Variants in SDK1 observed in about 807,000 individuals in gnomAD.
SDK1 encodes the protein sidekick cell adhesion molecule 1, also known as protein sidekick-1.
SDK1 carries 157 observed loss-of-function variants against 245.5 expected under a neutral mutation model. The observed-to-expected ratio is 0.64, with a 90% CI of 0.56 to 0.73. The LOEUF (loss-of-function observed/expected upper bound fraction) is 0.73, where lower values mean the gene tolerates loss of function less well. SDK1 is among the 30% of genes least tolerant of loss of function. SDK1 has a pLI of 0.00. For missense variants in SDK1, 3,583 were observed against 3,002.3 expected, an observed-to-expected ratio of 1.19 and a Z score of -4.52; for synonymous variants, 1,647 against 1,278.5, an observed-to-expected ratio of 1.29 and a Z score of -6.15.
chr7:3,971,651 T>C lies in SDK1; in HGVS notation c.1817+83T>C, dbSNP rs146854447. 291 of 1,023,254 alleles carry C rather than the reference T, an allele frequency of 2.8e-4. 1 individual carries two copies. Among genetic ancestry groups the C allele is most frequent in the African/African-American group, 1.5e-3 (98 of 63,372 alleles). The allele number at this position is 1,023,254 out of a possible 1,614,324, so 63.4% of individuals were successfully genotyped here. A position where few individuals can be genotyped will look rare whatever the true frequency, so the allele number is the denominator to read the frequency against. Reference sequence around the variant, plus strand: ...GTGAAGTTGAGATGAGGAGGAAGAATTGGGGGAACTTTTGATTTCAGCAGC... The same window carrying C: ...GTGAAGTTGAGATGAGGAGGAAGAACTGGGGGAACTTTTGATTTCAGCAGC... On this transcript the variant is annotated intron_variant, in intron 12 of 44. Transcript: ENST00000404826.
chr7:3,737,633 T>A (rs1039774898), intron 4 of SDK1, among the ~76,000 whole-genome samples: 4 of 152,186 alleles, frequency 2.6e-5, no homozygotes, highest in Admixed American at 2.0e-4. Context: ...TGGCAGGGAT[T>A]TGGTGCCACC....
At chr7:4,200,532 C>T (rs945474527) in intron 35 of SDK1, among the ~76,000 whole-genome samples, 5 of 152,198 alleles carry the variant, frequency 3.3e-5, no homozygotes, top group African/African-American at 7.2e-5. Flanking sequence ...AAAGTTCGAC[C>T]GGGGAAGGAT....
chr7:3,330,687 C>T (rs1217939839), intron 1 of SDK1, among the ~76,000 whole-genome samples: 2 of 151,802 alleles, frequency 1.3e-5, no homozygotes, highest in Admixed American at 1.3e-4. Context: ...ATTACCCAGT[C>T]TAGGGCTAGG....
intron 1 of SDK1, among the ~76,000 whole-genome samples, chr7:3,432,039 T>C (rs1032396475): frequency 6.6e-6 from 1 of 151,480 alleles, no homozygotes; most frequent in African/African-American, 2.4e-5. Context: ...TGACTTTTTG[T>C]CTCATAAAAT....
chr7:3,807,095 T>A (rs371713262), intron 4 of SDK1, among the ~76,000 whole-genome samples: 21 of 152,256 alleles, frequency 1.4e-4, no homozygotes, highest in African/African-American at 5.1e-4. Flanking sequence ...TATAAAGCCT[T>A]ACCTGGGAAA....
At chr7:4,041,315 G>C (rs1332578191) in intron 17 of SDK1, among the ~76,000 whole-genome samples, 1 of 144,144 alleles carries the variant, frequency 6.9e-6, no homozygotes, top group Non-Finnish European at 1.5e-5. Flanking sequence ...AGTACTTTCA[G>C]ATTCATAGGA....
At chr7:3,474,103 T>G (rs975787524) in intron 1 of SDK1, among the ~76,000 whole-genome samples, 1 of 130,902 alleles carries the variant, frequency 7.6e-6, no homozygotes, top group South Asian at 2.8e-4. Flanking sequence ...TTTTTTTTTT[T>G]TTTTTTTTTT....
chr7:4,200,639 C>T (rs577559428), intron 35 of SDK1, among the ~76,000 whole-genome samples: 32 of 152,330 alleles, frequency 2.1e-4, no homozygotes, highest in South Asian at 4.1e-4. Flanking sequence ...CTCCATGGGG[C>T]CTCTCACAAC....
intron 4 of SDK1, among the ~76,000 whole-genome samples, chr7:3,714,805 G>C (rs891835731): frequency 2.6e-5 from 4 of 152,184 alleles, no homozygotes; most frequent in African/African-American, 9.7e-5. Context: ...ACTTGTGCCA[G>C]AATGAGTCAT....
In SDK1 at chr7:4,106,732, G is replaced by A. The variant is rs1051495274; in HGVS notation, c.3325-3931G>A. Among the ~76,000 whole-genome samples the A allele has an allele frequency of 1.1e-4, 16 of 152,202 alleles. No individual in the cohort carries two copies. In the South Asian group the frequency reaches 3.1e-3, roughly 30 times the overall value. ...CCCCACTCTCCTGCTCTCTCAACGC[G>A]GCGCGTGCCTTTCTCTCCCGGGCAG... is the stretch of plus-strand genomic sequence containing the variant. On this transcript the variant is annotated intron_variant, in intron 22 of 44. Transcript: ENST00000404826.
chr7:3,600,557 T>G (rs1024790033), intron 1 of SDK1, among the ~76,000 whole-genome samples: 2 of 144,506 alleles, frequency 1.4e-5, no homozygotes, highest in Non-Finnish European at 3.0e-5. Flanking sequence ...TGTAGTTTTT[T>G]TTTTTTTTTT....
chr7:3,867,785 G>T (rs901738895), intron 5 of SDK1, among the ~76,000 whole-genome samples: 20 of 152,196 alleles, frequency 1.3e-4, no homozygotes, highest in African/African-American at 4.6e-4. Context: ...TGGCTTTGGG[G>T]TAGTGTGCTT....
intron 1 of SDK1, among the ~76,000 whole-genome samples, chr7:3,514,334 C>G (rs185705735): frequency 2.6e-5 from 4 of 152,202 alleles, no homozygotes; most frequent in Admixed American, 2.0e-4. Context: ...GTTGATGAAA[C>G]AAGAAAAAAT....
intron 1 of SDK1, among the ~76,000 whole-genome samples, chr7:3,595,256 T>G (rs895434908): frequency 6.6e-6 from 1 of 152,154 alleles, no homozygotes; most frequent in African/African-American, 2.4e-5. Context: ...TATTCATTTA[T>G]ATACTTCTAC....
chr7:3,569,000 G>A (rs1583176180), intron 1 of SDK1, among the ~76,000 whole-genome samples: 1 of 126,140 alleles, frequency 7.9e-6, no homozygotes, highest in Admixed American at 9.0e-5. Flanking sequence ...ATTTAGTGTG[G>A]CATATGTTTT....
At chr7:3,603,813 G>C (rs562653557) in intron 1 of SDK1, among the ~76,000 whole-genome samples, 12 of 152,306 alleles carry the variant, frequency 7.9e-5, no homozygotes, top group African/African-American at 2.9e-4. Context: ...GATATTGGCT[G>C]TGGGTTTGCC....
intron 7 of SDK1, among the ~76,000 whole-genome samples, chr7:3,953,722 T>C (rs569615158): frequency 6.6e-6 from 1 of 152,364 alleles, no homozygotes; most frequent in East Asian, 1.9e-4. Context: ...AGAGCTTTAG[T>C]TTTACATTTA....
At chr7:3,770,122 A>T (rs1780366597) in intron 4 of SDK1, among the ~76,000 whole-genome samples, 1 of 151,982 alleles carries the variant, frequency 6.6e-6, no homozygotes, top group African/African-American at 2.4e-5. Flanking sequence ...AACAGAAGGG[A>T]TCCTTGCGGT....
At chr7:4,182,299 T>C (rs1474993093) in intron 35 of SDK1, among the ~76,000 whole-genome samples, 1 of 152,150 alleles carries the variant, frequency 6.6e-6, no homozygotes, top group African/African-American at 2.4e-5. Context: ...CCTGGGTGCT[T>C]TGTGCACAGC....
Sources: gnomAD v4.1 joint callset for allele counts (sites outside exome capture counted in the v4.1 genomes callset) on GRCh38, gnomAD v4.1.1 for gene constraint, MANE v1.5 for transcripts, NCBI Gene and HGNC (gene_info 2026-07-23, HGNC 2026-07-21) for gene names.